EXD2: variants seen among roughly 807,000 people sequenced by gnomAD.
EXD2 encodes the protein exonuclease 3'-5' domain-containing protein 2.
EXD2 carries 40 observed loss-of-function variants against 62.5 expected under a neutral mutation model. The ratio of observed to expected loss-of-function variants is 0.64; its 90% CI spans 0.50 to 0.83. The LOEUF (loss-of-function observed/expected upper bound fraction) is 0.83. Among genes scored for constraint, EXD2 ranks in the 40% least tolerant of loss-of-function variants. The pLI is 0.00. For missense variants in EXD2, 671 were observed against 761.8 expected (o/e 0.88, Z 1.40); for synonymous variants, 239 against 291.9 (o/e 0.82, Z 1.85).
rs1457951883 is a variant in EXD2 at position 69,237,600 on chromosome 14, C to T, written c.1318C>T (p.Arg440Trp). The T allele has an allele frequency of 6.2e-6, 10 of 1,614,194 alleles. No homozygotes were observed. The highest frequency in any genetic ancestry group is 1.7e-5 in the Admixed American group (1 of 60,030). The change falls in exon 9 of 10, where the codon CGG becomes TGG. Residue 440 changes from arginine to tryptophan, a missense_variant. Coordinates refer to ENST00000685843, the MANE Select transcript of EXD2 (RefSeq NM_001193360.2). ...GAAGAACGTGATTCCACATGAGTAC[C>T]GGAAGCACTTCCCCATCGAGATGAA... The part of the protein sequence containing the change: ...IRKNVIPHEY[R>W]KHFPIEMKDH...
At chr14:69,212,936 C>A (rs2042861170) in intron 3 of EXD2, among the ~76,000 whole-genome samples, 1 of 151,726 alleles carries the variant, frequency 6.6e-6, no homozygotes, top group Admixed American at 6.6e-5. Context: ...GTTTCAAACT[C>A]TTGGACTCAA....
At chr14:69,213,717 A>C (rs2042897694) in intron 3 of EXD2, among the ~76,000 whole-genome samples, 1 of 146,198 alleles carries the variant, frequency 6.8e-6, no homozygotes, top group African/African-American at 2.5e-5. Flanking sequence ...AGGCTGGAGT[A>C]CATTAGTGCA....
At chr14:69,224,505 C>T (rs2043293498) in intron 3 of EXD2, among the ~76,000 whole-genome samples, 2 of 152,196 alleles carry the variant, frequency 1.3e-5, no homozygotes, top group African/African-American at 2.4e-5. Flanking sequence ...CCCCTACTAC[C>T]TCCTGAGTCC....
At position 69,234,795 on chromosome 14, in the gene EXD2, CGAT is replaced by C. The variant is rs770774040; in HGVS notation, c.816_818del (p.Asp273del). The C allele has an allele frequency of 1.5e-5, 25 of 1,614,076 alleles. No individual in the cohort carries two copies. Among genetic ancestry groups the C allele is most frequent in the South Asian group, 6.6e-5 (6 of 91,066 alleles). On this transcript the variant is annotated inframe_deletion, in exon 6 of 10. Transcript: ENST00000685843. ...CTAGGAATTCACCTGGAGAAAAAAA[CGAT>C]GACCACAGTAGCTGGAGAAAAGTCT...
Position 69,209,460 on chromosome 14 carries a change from A to G in EXD2, c.-11A>G, listed in dbSNP as rs1258350868. 13 of 1,488,906 alleles carry G rather than the reference A, an allele frequency of 8.7e-6. No homozygotes were observed. The highest frequency in any genetic ancestry group is 1.2e-5 in the Non-Finnish European group (13 of 1,118,170). The allele number at this position is 1,488,906 out of a possible 1,614,324, so 92.2% of individuals were successfully genotyped here. ...AGTGATATGCTTTTCTAAAGAGTAG[A>G]AAAGTCGAAGATGTCTAGACAGAAC... is the stretch of plus-strand genomic sequence containing the variant. On this transcript the variant is annotated 5_prime_UTR_variant, in exon 3 of 10. Coordinates refer to ENST00000685843, the MANE Select transcript of EXD2 (RefSeq NM_001193360.2).
intron 8 of EXD2, among the ~76,000 whole-genome samples, chr14:69,237,011 T>G (rs559924537): frequency 6.6e-6 from 1 of 152,326 alleles, no homozygotes; most frequent in East Asian, 1.9e-4. Context: ...CCCAGACACT[T>G]GGGCTTTCTC....
chr14:69,220,251 C>CTCTTTTTTTTTTTTT (rs2043123001), intron 3 of EXD2, among the ~76,000 whole-genome samples: 1 of 60,604 alleles, frequency 1.7e-5, no homozygotes, highest in African/African-American at 7.0e-5. Flanking sequence ...TTTTGTCTCT[C>CTCTTTTTTTTTTTTT]TGTTTTTTTT....
At chr14:69,197,849 C>T (rs1041949559) in intron 1 of EXD2, among the ~76,000 whole-genome samples, 2 of 152,160 alleles carry the variant, frequency 1.3e-5, no homozygotes, top group Non-Finnish European at 2.9e-5. Flanking sequence ...TTCTATAAAA[C>T]AATCTTTTCT....
chr14:69,194,742 A>G (rs1347276116), intron 1 of EXD2, among the ~76,000 whole-genome samples: 5 of 152,148 alleles, frequency 3.3e-5, no homozygotes, highest in African/African-American at 1.2e-4. Flanking sequence ...ACAACATCCT[A>G]TATTAAACTA....
chr14:69,205,692 T>C (rs1422207006), intron 2 of EXD2, among the ~76,000 whole-genome samples: 1 of 152,108 alleles, frequency 6.6e-6, no homozygotes, highest in African/African-American at 2.4e-5. Context: ...TTCTAGGGAC[T>C]GATCTTCCAT....
intron 1 of EXD2, among the ~76,000 whole-genome samples, chr14:69,199,033 CAGG>C (rs896873896): frequency 1.3e-5 from 2 of 152,226 alleles, no homozygotes; most frequent in African/African-American, 2.4e-5. Context: ...CACCTGAGGT[CAGG>C]AGTTCGAGAC....
intron 6 of EXD2, 30 bp from the exon 7 acceptor site, chr14:69,236,016 G>A (rs1242872608): frequency 6.4e-7 from 1 of 1,567,348 alleles, no homozygotes; most frequent in East Asian, 2.2e-5. Context: ...TTAGCTTCCG[G>A]TTTGAGATTT....
At chr14:69,220,251 C>CTTT (rs2043123001) in intron 3 of EXD2, among the ~76,000 whole-genome samples, 3 of 60,594 alleles carry the variant, frequency 5.0e-5, no homozygotes, top group African/African-American at 7.0e-5. Flanking sequence ...TTTTGTCTCT[C>CTTT]TGTTTTTTTT....
intron 3 of EXD2, among the ~76,000 whole-genome samples, chr14:69,218,492 G>A (rs1161629166): frequency 6.6e-6 from 1 of 152,144 alleles, no homozygotes; most frequent in Non-Finnish European, 1.5e-5. Flanking sequence ...TGTTCACTCT[G>A]ATGGTAGTTT....
At chr14:69,220,981 C>T (rs1242116344) in intron 3 of EXD2, among the ~76,000 whole-genome samples, 1 of 152,194 alleles carries the variant, frequency 6.6e-6, no homozygotes, top group African/African-American at 2.4e-5. Flanking sequence ...ATCCTCCCAC[C>T]TCAGCCTCCC....
intron 3 of EXD2, among the ~76,000 whole-genome samples, chr14:69,215,142 G>T (rs533036644): frequency 6.6e-6 from 1 of 152,156 alleles, no homozygotes; most frequent in African/African-American, 2.4e-5. Flanking sequence ...ACAAAAATTA[G>T]CCAGGTGTGG....
Position 69,236,164 on chromosome 14 carries a change from A to G in EXD2, c.1156+12A>G. 1 of 1,607,272 alleles carries G rather than the reference A, an allele frequency of 6.2e-7. No homozygotes were observed. The highest frequency in any genetic ancestry group is 1.1e-5 in the South Asian group (1 of 90,962). ...CAAAGGCATTGGTGGTATGAGATTC[A>G]GCTGTCCTTGTTTATCTCTAATTAG... On this transcript the variant is annotated intron_variant, in intron 7 of 9. Transcript: ENST00000685843.
intron 2 of EXD2, among the ~76,000 whole-genome samples, chr14:69,206,611 G>A (rs547304695): frequency 6.6e-6 from 1 of 151,922 alleles, no homozygotes; most frequent in South Asian, 2.1e-4. Context: ...CCCCCAAGTA[G>A]CTGATACTTA....
rs3211166 is a variant in EXD2 at position 69,236,441 on chromosome 14, A to G, written c.1191A>G (p.Leu397=). ...LVSEEPFVVK[L]RFEPAGRPES... Reference sequence around the variant, plus strand: ...GTGAAGAGCCCTTTGTGGTGAAGCTACGGTTTGAACCTGCAGGAAGGCCCG... The same window carrying G: ...GTGAAGAGCCCTTTGTGGTGAAGCTGCGGTTTGAACCTGCAGGAAGGCCCG... The change falls in exon 8 of 10, where the codon CTA becomes CTG. Residue 397 remains leucine (L), a synonymous_variant. Coordinates refer to ENST00000685843, the MANE Select transcript of EXD2 (RefSeq NM_001193360.2). 539,929 of 1,613,838 alleles carry G rather than the reference A, an allele frequency of 0.33. 105,352 individuals are homozygous for G. Among genetic ancestry groups the G allele is most frequent in the East Asian group, 0.92 (41,351 of 44,858 alleles).
Sources: allele counts gnomAD v4.1 joint callset (sites outside exome capture counted in the v4.1 genomes callset), GRCh38; gene constraint gnomAD v4.1.1; transcripts MANE v1.5; gene names NCBI Gene and HGNC (gene_info 2026-07-23, HGNC 2026-07-21).